Variants in ANO1 observed in about 807,000 individuals in gnomAD.
ANO1 encodes the protein anoctamin-1.
ANO1 carries 59 observed loss-of-function variants against 124.0 expected under a neutral mutation model. The ratio of observed to expected loss-of-function variants is 0.48; its 90% CI spans 0.39 to 0.59. The LOEUF (loss-of-function observed/expected upper bound fraction) is 0.59. Ranked by LOEUF, ANO1 falls within the 20% of genes least tolerant of loss-of-function variation. The probability of loss-of-function intolerance (pLI) is 0.00; values close to 1 mark genes in which losing one functional copy is unlikely to be tolerated. For synonymous variants in ANO1, 529 were observed against 532.0 expected (o/e 0.99, Z 0.08); for missense variants, 1,059 against 1,328.0 (o/e 0.80, Z 3.15).
the ANO1 span, among the ~76,000 whole-genome samples, chr11:69,972,186 CAAAA>C: frequency 1.3e-3 from 111 of 86,540 alleles, no homozygotes; most frequent in Admixed American, 5.8e-3. Context: ...GACTCCGTCT[CAAAA>C]AAAAAAAAAA....
chr11:69,967,699 G>A, the ANO1 span, among the ~76,000 whole-genome samples: 19 of 152,226 alleles, frequency 1.2e-4, no homozygotes, highest in African/African-American at 4.6e-4. Context: ...CTGAGGCCTG[G>A]AGAAATCCAG....
chr11:70,126,379 G>A (rs758886304), intron 10 of ANO1, among the ~76,000 whole-genome samples, 184 bp downstream of exon 10: 4 of 152,210 alleles, frequency 2.6e-5, no homozygotes, highest in Non-Finnish European at 5.9e-5. Flanking sequence ...GAGTCTGGGA[G>A]TCCTTCTCAG....
At chr11:70,099,299 G>A (rs779132105) in intron 2 of ANO1, among the ~76,000 whole-genome samples, 10 of 152,092 alleles carry the variant, frequency 6.6e-5, no homozygotes, top group Non-Finnish European at 1.5e-4. Context: ...TGTTTTTGCC[G>A]AACTGGTCTC....
intron 1 of ANO1, among the ~76,000 whole-genome samples, chr11:70,054,334 A>G (rs2135090617): frequency 6.6e-6 from 1 of 152,328 alleles, no homozygotes; most frequent in Middle Eastern, 3.4e-3. Flanking sequence ...CCATGGGAAC[A>G]TGGTGTAGGC....
chr11:70,169,224 C>T (rs969602262), intron 21 of ANO1, among the ~76,000 whole-genome samples: 10 of 152,108 alleles, frequency 6.6e-5, no homozygotes, highest in Admixed American at 3.9e-4. Context: ...GAGTTCCTGA[C>T]GGGTTTGGAC....
At chr11:69,987,604 C>CAAAAAAAAAAAAAAAA (rs202001305) in intron 1 of ANO1, among the ~76,000 whole-genome samples, 2 of 109,738 alleles carry the variant, frequency 1.8e-5, no homozygotes, top group African/African-American at 8.6e-5. Flanking sequence ...GACCATGTCT[C>CAAAAAAAAAAAAAAAA]AAAAAAAAAA....
chr11:70,140,575 G>A (rs1223315314), intron 11 of ANO1, among the ~76,000 whole-genome samples: 2 of 151,942 alleles, frequency 1.3e-5, no homozygotes. Context: ...AGAAAGTAAA[G>A]GAGTGAAAGA....
intron 24 of ANO1, among the ~76,000 whole-genome samples, chr11:70,183,119 A>C (rs1167797043): frequency 1.3e-5 from 2 of 152,190 alleles, no homozygotes; most frequent in East Asian, 1.9e-4. Context: ...TAAAGAAATA[A>C]ACAAATGCCT....
At chr11:70,131,369 C>G (rs2046751956) in intron 10 of ANO1, among the ~76,000 whole-genome samples, 1 of 151,878 alleles carries the variant, frequency 6.6e-6, no homozygotes, top group Non-Finnish European at 1.5e-5. Flanking sequence ...GCTCTGTCAC[C>G]CAGGCTGGAG....
At chr11:69,985,684 C>T (rs1475733680), upstream of ANO1, among the ~76,000 whole-genome samples, 1 of 152,210 alleles carries the variant, frequency 6.6e-6, no homozygotes, top group Non-Finnish European at 1.5e-5. Flanking sequence ...ACTGATAAGA[C>T]GGTCTGGGAG....
upstream of ANO1, among the ~76,000 whole-genome samples, chr11:69,981,289 T>C (rs1554996193): frequency 6.6e-6 from 1 of 152,204 alleles, no homozygotes; most frequent in Non-Finnish European, 1.5e-5. Context: ...CTGTGTGACC[T>C]TGGGCAAGTC....
the ANO1 span, among the ~76,000 whole-genome samples, chr11:69,973,637 G>T: frequency 6.6e-6 from 1 of 152,132 alleles, no homozygotes; most frequent in African/African-American, 2.4e-5. Context: ...ACTTTGGGAG[G>T]CCGAAGCGGG....
At chr11:69,968,345 C>A in the ANO1 span, among the ~76,000 whole-genome samples, 1 of 152,174 alleles carries the variant, frequency 6.6e-6, no homozygotes, top group Non-Finnish European at 1.5e-5. Context: ...TGACCCTCTG[C>A]CTCTGGGGCC....
At chr11:70,161,494 G>A (rs942588997) in intron 17 of ANO1, 128 bp from the exon 18 acceptor site, 42 of 1,379,094 alleles carry the variant, frequency 3.0e-5, no homozygotes, top group Non-Finnish European at 3.9e-5. Context: ...TGGGTATCCT[G>A]AGCACAGGCC....
intron 1 of ANO1, among the ~76,000 whole-genome samples, chr11:70,043,559 A>G (rs1857212894): frequency 6.6e-6 from 1 of 152,126 alleles, no homozygotes; most frequent in African/African-American, 2.4e-5. Flanking sequence ...AACAAGTAAT[A>G]AAAAAATATT....
chr11:70,002,018 C>T (rs1380327673), intron 1 of ANO1, among the ~76,000 whole-genome samples: 1 of 152,058 alleles, frequency 6.6e-6, no homozygotes, highest in Admixed American at 6.5e-5. Context: ...TGGTCAATGA[C>T]GAACCACATA....
upstream of ANO1, among the ~76,000 whole-genome samples, chr11:69,983,855 A>G (rs1226284967): frequency 1.3e-5 from 2 of 152,260 alleles, no homozygotes; most frequent in East Asian, 3.8e-4. Context: ...AGCGGCTTCA[A>G]TCGGAATGAA....
chr11:70,084,539 G>T (rs917458786), intron 1 of ANO1, among the ~76,000 whole-genome samples: 1 of 152,114 alleles, frequency 6.6e-6, no homozygotes, highest in Non-Finnish European at 1.5e-5. Context: ...AACCAACCCT[G>T]GGGCTCAGAG....
intron 21 of ANO1, among the ~76,000 whole-genome samples, chr11:70,168,567 G>T (rs10898825): frequency 0.3 from 45,496 of 151,902 alleles, 7,942 homozygotes; most frequent in East Asian, 0.52. Context: ...CAGGTATACA[G>T]TGGGTGCTCA....
Sources: allele counts gnomAD v4.1 joint callset (sites outside exome capture counted in the v4.1 genomes callset), GRCh38; gene constraint gnomAD v4.1.1; transcripts MANE v1.5; gene names NCBI Gene and HGNC (gene_info 2026-07-23, HGNC 2026-07-21).